MKLN1: variants seen among roughly 807,000 people sequenced by gnomAD.
MKLN1 encodes muskelin 1, also known as muskelin.
MKLN1 carries 18 observed loss-of-function variants against 99.0 expected under a neutral mutation model. The ratio of observed to expected loss-of-function variants is 0.18; its 90% CI spans 0.13 to 0.27. The LOEUF (loss-of-function observed/expected upper bound fraction) is 0.27. MKLN1 is among the 10% of genes least tolerant of loss of function. The pLI is 1.00. For synonymous variants in MKLN1, 288 were observed against 293.2 expected (o/e 0.98, Z 0.18); for missense variants, 621 against 875.9 (o/e 0.71, Z 3.67).
intron 2 of MKLN1, among the ~76,000 whole-genome samples, chr7:131,378,545 CA>C (rs1793735477): frequency 6.6e-6 from 1 of 152,108 alleles, no homozygotes; most frequent in Non-Finnish European, 1.5e-5. Flanking sequence ...TAGATATATC[CA>C]CGGCCGGACG....
At chr7:131,328,169 C>A in intron 1 of MKLN1, 172 bp downstream of exon 1, 2 of 811,592 alleles carry the variant, frequency 2.5e-6, no homozygotes, top group Non-Finnish European at 3.8e-6. Context: ...CGGCCTCGCT[C>A]GGGAAGGGGT....
At chr7:131,383,717 A>G (rs757030156) in intron 2 of MKLN1, among the ~76,000 whole-genome samples, 3 of 152,198 alleles carry the variant, frequency 2.0e-5, no homozygotes, top group Non-Finnish European at 4.4e-5. Flanking sequence ...GTCAGAAACT[A>G]TGTCATCATC....
chr7:131,224,811 T>G (rs535762923), intron 3 of MKLN1, among the ~76,000 whole-genome samples: 43 of 151,742 alleles, frequency 2.8e-4, no homozygotes, highest in Non-Finnish European at 6.0e-4. Context: ...CAGTGGCTCA[T>G]GCCTGTAATC....
In MKLN1 at chr7:131,161,961, GTGTATATATATATATATA is replaced by G. The variant is rs1389803958; in HGVS notation, c.-297+19022_-297+19039del. 7.1e-3 allele frequency among the ~76,000 whole-genome samples: 578 copies of G among 81,068 alleles called. 6 individuals carry two copies. Among genetic ancestry groups the G allele is most frequent in the African/African-American group, 0.024 (387 of 16,100 alleles). 53.2% of individuals were successfully genotyped at this position (81,068 alleles called of 152,430 possible). A position where few individuals can be genotyped will look rare whatever the true frequency, so the allele number is the denominator to read the frequency against. On this transcript the variant is annotated intron_variant, in intron 2 of 7. Coordinates refer to the MKLN1 transcript ENST00000416992. ...TACACATATATATACGTGTGTGTGT[GTGTATATATATATATATA>G]TATATATATATATATATATATGTAA...
chr7:131,475,591 C>T (rs184448978), intron 16 of MKLN1, among the ~76,000 whole-genome samples: 12 of 152,200 alleles, frequency 7.9e-5, no homozygotes, highest in African/African-American at 2.9e-4. Context: ...AGGGGTGGAT[C>T]GCCTGAGCCC....
intron 12 of MKLN1, among the ~76,000 whole-genome samples, chr7:131,447,677 C>T (rs747671465): frequency 7.2e-5 from 11 of 152,172 alleles, no homozygotes; most frequent in Non-Finnish European, 1.3e-4. Context: ...TGCTAGACTA[C>T]GGACACAGTG....
At chr7:131,339,400 A>G (rs1356498902) in intron 1 of MKLN1, among the ~76,000 whole-genome samples, 3 of 152,176 alleles carry the variant, frequency 2.0e-5, no homozygotes, top group Admixed American at 6.6e-5. Context: ...TTACTTGTTT[A>G]TAAGGTTAAG....
At chr7:131,122,915 C>T (rs900111817) in intron 1 of MKLN1, among the ~76,000 whole-genome samples, 1 of 143,348 alleles carries the variant, frequency 7.0e-6, no homozygotes, top group African/African-American at 2.6e-5. Context: ...CCCAGCTACT[C>T]GGGAGGCTGA....
chr7:131,153,811 C>T (rs907783595), intron 2 of MKLN1, among the ~76,000 whole-genome samples: 17 of 151,844 alleles, frequency 1.1e-4, no homozygotes, highest in Non-Finnish European at 1.9e-4. Context: ...TACAGGCGTG[C>T]ACCACCATGC....
intron 8 of MKLN1, among the ~76,000 whole-genome samples, chr7:131,420,010 G>T (rs1319877585): frequency 1.3e-5 from 2 of 152,214 alleles, no homozygotes; most frequent in East Asian, 3.9e-4. Flanking sequence ...TATAGCATTG[G>T]CTTATACTAG....
At chr7:131,470,496 A>G (rs1443071648) in intron 15 of MKLN1, among the ~76,000 whole-genome samples, 2 of 152,012 alleles carry the variant, frequency 1.3e-5, no homozygotes, top group Non-Finnish European at 2.9e-5. Flanking sequence ...ACACATTGGG[A>G]TTTTCTGAAG....
At chr7:131,331,935 G>C (rs1366576407) in intron 1 of MKLN1, among the ~76,000 whole-genome samples, 1 of 152,080 alleles carries the variant, frequency 6.6e-6, no homozygotes, top group Admixed American at 6.6e-5. Flanking sequence ...AGATAATTTA[G>C]ATGATAAAAT....
At chr7:131,383,779 CAATT>C (rs1205943903) in intron 2 of MKLN1, among the ~76,000 whole-genome samples, 1 of 152,190 alleles carries the variant, frequency 6.6e-6, no homozygotes, top group Non-Finnish European at 1.5e-5. Context: ...CAAATCCCAT[CAATT>C]GTTTCTCCAA....
At chr7:131,399,906 A>C (rs1794485631) in intron 6 of MKLN1, among the ~76,000 whole-genome samples, 1 of 152,178 alleles carries the variant, frequency 6.6e-6, no homozygotes, top group African/African-American at 2.4e-5. Flanking sequence ...TGTGACCTGT[A>C]GTCTGGCTTT....
At chr7:131,245,510 C>T (rs1471307181) in intron 3 of MKLN1, among the ~76,000 whole-genome samples, 1 of 152,050 alleles carries the variant, frequency 6.6e-6, no homozygotes, top group Admixed American at 6.5e-5. Context: ...TCAGGTGATC[C>T]GCGCCCCCCG....
chr7:131,396,530 T>A (rs551799436), intron 4 of MKLN1, among the ~76,000 whole-genome samples: 1 of 152,310 alleles, frequency 6.6e-6, no homozygotes, highest in East Asian at 1.9e-4. Flanking sequence ...TGAGTGGGAA[T>A]ATTTAGTATT....
chr7:131,390,249 T>C (rs1007404070), intron 4 of MKLN1, among the ~76,000 whole-genome samples: 12 of 152,318 alleles, frequency 7.9e-5, no homozygotes, highest in East Asian at 5.8e-4. Context: ...TAAATACTTA[T>C]AAATTAAAAC....
chr7:131,129,753 T>A (rs1488500985), intron 1 of MKLN1, among the ~76,000 whole-genome samples: 3 of 152,102 alleles, frequency 2.0e-5, no homozygotes, highest in Non-Finnish European at 4.4e-5. Flanking sequence ...TTTTAAAACT[T>A]TTTTTAGAGA....
intron 3 of MKLN1, among the ~76,000 whole-genome samples, chr7:131,208,594 G>A (rs917412758): frequency 1.3e-5 from 2 of 152,076 alleles, no homozygotes; most frequent in African/African-American, 4.8e-5. Flanking sequence ...GTGAGACCCT[G>A]TCTTGAAAAA....
Sources: allele counts gnomAD v4.1 joint callset (sites outside exome capture counted in the v4.1 genomes callset), GRCh38; gene constraint gnomAD v4.1.1; transcripts MANE v1.5; gene names NCBI Gene and HGNC (gene_info 2026-07-23, HGNC 2026-07-21).